The following ALPK2 variants were observed in gnomAD, a reference collection of about 807,000 sequenced individuals.
ALPK2 encodes alpha-protein kinase 2.
A neutral mutation model predicts 163.1 loss-of-function variants in ALPK2; 127 were observed. The observed-to-expected ratio is 0.78, with a 90% CI of 0.67 to 0.90. ALPK2 has a LOEUF of 0.90. Among genes scored for constraint, ALPK2 ranks in the 40% least tolerant of loss-of-function variants. The pLI, the probability that ALPK2 is intolerant of heterozygous loss-of-function variation, is 0.00. For synonymous variants in ALPK2, 953 were observed against 959.1 expected, an observed-to-expected ratio of 0.99 and a Z score of 0.12; for missense variants, 2,360 against 2,589.6, an observed-to-expected ratio of 0.91 and a Z score of 1.92.
Position 58,516,984 on chromosome 18 carries a change from T to C in ALPK2, c.5864A>G (p.Lys1955Arg). The C allele has an allele frequency of 6.2e-7, 1 of 1,614,210 alleles. No individual in the cohort carries two copies. Among genetic ancestry groups the C allele is most frequent in the East Asian group, 2.2e-5 (1 of 44,892 alleles). The change falls in exon 9 of 13, where the codon AAG becomes AGG. Residue 1955 changes from lysine to arginine, a missense_variant. By Grantham distance (26) the Lys-to-Arg change is conservative. Transcript: ENST00000361673. ...CCCATAGGCAATGGCATTGTGCACC[T>C]TAAGCACACAGGCATGGCCAGGTTT... Reference protein sequence around the residue: ...VFKPGHACVLKVHNAIAYGTR... With the variant: ...VFKPGHACVLRVHNAIAYGTR...
chr18:58,528,909 T>C, intron 6 of ALPK2, 182 bp downstream of exon 6: 1 of 733,178 alleles, frequency 1.4e-6, no homozygotes. Context: ...GAATCCTCCA[T>C]CATTTTCCCC....
rs2051389049 is a variant in ALPK2, at chr18:58,494,078, CTT to C, written c.6296+3969_6296+3970del. ...CAGTTCGGCTCCACTGCACGCATGG[CTT>C]TAGATCGGTCTGGAGTTGGTTAGGT... On this transcript the variant is annotated intron_variant, in intron 12 of 12. Coordinates refer to ENST00000361673, the MANE Select transcript of ALPK2 (RefSeq NM_052947.4). Among the ~76,000 whole-genome samples, 8 of 152,282 alleles carry C rather than the reference CTT, an allele frequency of 5.3e-5. No individual in the cohort carries two copies. In the South Asian group the frequency reaches 1.7e-3, roughly 32 times the overall value.
At chr18:58,594,592 T>TA (rs1173365415) in intron 3 of ALPK2, among the ~76,000 whole-genome samples, 2 of 152,152 alleles carry the variant, frequency 1.3e-5, no homozygotes, top group African/African-American at 2.4e-5. Context: ...CAAATGTCCC[T>TA]AGCCACAGAG....
chr18:58,547,009 A>T (rs1206154034), intron 4 of ALPK2, among the ~76,000 whole-genome samples: 1 of 151,574 alleles, frequency 6.6e-6, no homozygotes, highest in Non-Finnish European at 1.5e-5. Context: ...GAGTAGGGTG[A>T]TGGAAAAATG....
At chr18:58,586,550 CA>C (rs1415764158) in intron 3 of ALPK2, among the ~76,000 whole-genome samples, 2 of 152,168 alleles carry the variant, frequency 1.3e-5, no homozygotes, top group East Asian at 3.8e-4. Flanking sequence ...CAAGACTCCA[CA>C]ACCACAGTGA....
At chr18:58,618,536 T>C (rs1356886358) in intron 1 of ALPK2, among the ~76,000 whole-genome samples, 1 of 152,226 alleles carries the variant, frequency 6.6e-6, no homozygotes, top group African/African-American at 2.4e-5. Flanking sequence ...TAGCAGTATC[T>C]ATTCATTTGA....
At chr18:58,621,158 A>C (rs1423375833) in intron 1 of ALPK2, among the ~76,000 whole-genome samples, 1 of 138,394 alleles carries the variant, frequency 7.2e-6, no homozygotes, top group Non-Finnish European at 1.6e-5. Flanking sequence ...GTCTCAAAAC[A>C]AAAAAAAAAA....
At chr18:58,627,790 G>C (rs77277831) in intron 1 of ALPK2, among the ~76,000 whole-genome samples, 1,936 of 152,238 alleles carry the variant, frequency 0.013, 48 homozygotes, top group African/African-American at 0.044. Context: ...GATTCGGAAG[G>C]TAACCCACAA....
intron 12 of ALPK2, among the ~76,000 whole-genome samples, chr18:58,497,113 A>G (rs67802127): frequency 0.13 from 20,502 of 152,286 alleles, 1,514 homozygotes; most frequent in Non-Finnish European, 0.16. Flanking sequence ...GCTGCTTCTT[A>G]GATGGCCCCT....
chr18:58,530,188 CA>C (rs2051605817), intron 5 of ALPK2, among the ~76,000 whole-genome samples: 1 of 152,186 alleles, frequency 6.6e-6, no homozygotes, highest in Non-Finnish European at 1.5e-5. Context: ...TCCATGAATT[CA>C]AGGTGCTTCT....
At chr18:58,619,162 G>T (rs997507754) in intron 1 of ALPK2, among the ~76,000 whole-genome samples, 1 of 152,210 alleles carries the variant, frequency 6.6e-6, no homozygotes, top group Admixed American at 6.5e-5. Flanking sequence ...AGACCATGTC[G>T]GGAGAGACAC....
intron 4 of ALPK2, among the ~76,000 whole-genome samples, chr18:58,567,858 G>A (rs185475861): frequency 1.6e-3 from 249 of 152,264 alleles, no homozygotes; most frequent in Middle Eastern, 3.4e-3. Context: ...CTCCAAGCCC[G>A]TGTGTCTAAG....
intron 11 of ALPK2, among the ~76,000 whole-genome samples, 193 bp downstream of exon 11, chr18:58,503,738 C>T (rs570159093): frequency 6.6e-6 from 1 of 152,174 alleles, no homozygotes; most frequent in South Asian, 2.1e-4. Flanking sequence ...ATGAAATGGC[C>T]CTCTGGCTGG....
chr18:58,549,747 C>T (rs2051740381), intron 4 of ALPK2, among the ~76,000 whole-genome samples: 1 of 152,140 alleles, frequency 6.6e-6, no homozygotes, highest in African/African-American at 2.4e-5. Context: ...TGGTCCAATC[C>T]CTTGGGCAGT....
At chr18:58,547,070 GA>G (rs2051721266) in intron 4 of ALPK2, among the ~76,000 whole-genome samples, 2 of 152,132 alleles carry the variant, frequency 1.3e-5, no homozygotes, top group Non-Finnish European at 2.9e-5. Flanking sequence ...TACTATACAG[GA>G]AGTGGCTGTA....
At chr18:58,483,529 CTTTATTTA>C (rs144938882) in intron 12 of ALPK2, among the ~76,000 whole-genome samples, 23,228 of 142,744 alleles carry the variant, frequency 0.16, 2,021 homozygotes, top group Non-Finnish European at 0.2. Context: ...GTCCTACTCA[CTTTATTTA>C]TTTATTTATT....
chr18:58,570,010 A>G (rs941319698), intron 4 of ALPK2, among the ~76,000 whole-genome samples: 2 of 152,104 alleles, frequency 1.3e-5, no homozygotes, highest in East Asian at 3.9e-4. Flanking sequence ...GGTGCCTGTA[A>G]TCCCAGCTAC....
intron 12 of ALPK2, among the ~76,000 whole-genome samples, chr18:58,483,221 G>A (rs1204051683): frequency 6.6e-6 from 1 of 152,200 alleles, no homozygotes; most frequent in Admixed American, 6.5e-5. Flanking sequence ...TAGCACATAT[G>A]TAAACCTATG....
chr18:58,589,600 G>T (rs184209070), intron 3 of ALPK2, among the ~76,000 whole-genome samples: 151 of 152,198 alleles, frequency 9.9e-4, no homozygotes, highest in Non-Finnish European at 1.7e-3. Flanking sequence ...CCATCAAAAT[G>T]ATATACTCTT....
Sources: allele counts gnomAD v4.1 joint callset (sites outside exome capture counted in the v4.1 genomes callset), GRCh38; gene constraint gnomAD v4.1.1; transcripts MANE v1.5; gene names NCBI Gene and HGNC (gene_info 2026-07-23, HGNC 2026-07-21).